The following DYNC2H1 variants were observed in gnomAD, a reference collection of about 807,000 sequenced individuals.
DYNC2H1 encodes the protein dynein cytoplasmic 2 heavy chain 1.
DYNC2H1 carries 410 observed loss-of-function variants against 570.0 expected under a neutral mutation model. That is an observed-to-expected ratio of 0.72 (90% CI 0.66 to 0.78). The LOEUF is 0.78. Among genes scored for constraint, DYNC2H1 ranks in the 30% least tolerant of loss-of-function variants. The pLI is 0.00. For missense variants in DYNC2H1, 4,865 were observed against 5,046.4 expected (o/e 0.96, Z 1.09); for synonymous variants, 1,688 against 1,677.6 (o/e 1.01, Z -0.15).
Position 103,253,320 on chromosome 11 carries a change from A to G in DYNC2H1, c.10078A>G (p.Ile3360Val), listed in dbSNP as rs763419154. 1.9e-5 allele frequency: 31 copies of G among 1,613,156 alleles called. No individual in the cohort carries two copies. The highest frequency in any genetic ancestry group is 2.5e-5 in the Non-Finnish European group (29 of 1,179,472). The change falls in exon 66 of 89, where the codon ATT (isoleucine) becomes GTT (valine). Residue 3360 changes from isoleucine (I) to valine (V), a missense_variant. Transcript: ENST00000375735. ...RYVVQIGDKI[I>V]DYNEEFRLFL... ...TGTGGTACAAATAGGTGACAAAATT[A>G]TTGACTACAATGAAGAATTCCGCCT...
At position 103,241,680 on chromosome 11, in the gene DYNC2H1, AC is replaced by A; in HGVS notation, c.9820-2012del. Reference sequence around the variant, plus strand: ...AGGTGCAGCACCATGGTAACACTTCACAGGCTATTTACTAACCACATCATTG... The same window carrying A: ...AGGTGCAGCACCATGGTAACACTTCAAGGCTATTTACTAACCACATCATTG... On this transcript the variant is annotated intron_variant, in intron 63 of 88. Transcript: ENST00000375735. This position sits in a 1 kb window ranked among gnomAD's most constrained non-coding sequence, Gnocchi z 5.1. The A allele has an allele frequency of 1.4e-6, 1 of 689,786 alleles. No individual in the cohort carries two copies. Among genetic ancestry groups the A allele is most frequent in the Non-Finnish European group, 2.4e-6 (1 of 410,886 alleles). 42.7% of individuals were successfully genotyped at this position (689,786 alleles called of 1,614,324 possible).
chr11:103,132,651 T>G (rs11225559), intron 13 of DYNC2H1, among the ~76,000 whole-genome samples: 87 of 3,104 alleles, frequency 0.028, no homozygotes, highest in African/African-American at 0.08. Flanking sequence ...GGGTTGGGGG[T>G]GTGTGTGTGT....
At position 103,289,842 on chromosome 11, in the gene DYNC2H1, T is replaced by C. The variant is rs138175491; in HGVS notation, c.11095+2237T>C. Among the ~76,000 whole-genome samples, 2 of 152,260 alleles carry C rather than the reference T, an allele frequency of 1.3e-5. No individual in the cohort carries two copies. Among genetic ancestry groups the C allele is most frequent in the East Asian group, 3.9e-4 (2 of 5,156 alleles). ...ATTAAATTTGACATCCTATATTTAGTTACGATATTTGGACTGAGTGTTCCT... is the reference window on the plus strand; with the variant it reads ...ATTAAATTTGACATCCTATATTTAGCTACGATATTTGGACTGAGTGTTCCT... On this transcript the variant is annotated intron_variant, in intron 75 of 88. Coordinates refer to ENST00000375735, the MANE Select transcript of DYNC2H1 (RefSeq NM_001377.3). The surrounding 1 kb of genome is among the most constrained non-coding windows in gnomAD (Gnocchi z 4.2).
chr11:103,459,972 A>C (rs1333916176), intron 87 of DYNC2H1, among the ~76,000 whole-genome samples: 2 of 151,000 alleles, frequency 1.3e-5, no homozygotes, highest in Non-Finnish European at 2.9e-5. Context: ...AAAAAAAGAA[A>C]AAAAAAAAAA....
chr11:103,406,920 G>A (rs546086892), intron 84 of DYNC2H1: 8 of 151,922 alleles, frequency 5.3e-5, no homozygotes, highest in Admixed American at 2.6e-4. Context: ...AATGAAAGAG[G>A]ACTCTTTCTA....
rs758429892 is a variant in DYNC2H1, at chr11:103,135,757, A to T, written c.2383A>T (p.Ile795Phe). The change falls in exon 17 of 89, where the codon ATC becomes TTC. Residue 795 changes from isoleucine (I) to phenylalanine (F), a missense_variant. This residue lies in a region of DYNC2H1 where 1,936 missense variants were observed against 1,962.1 expected (regional missense o/e 0.99). Transcript: ENST00000375735. ...ACAATTCAGGCCCCCTTTTGAAGAA[A>T]TCCGGGCTAAATATTATAGAGAAAT... ...RLQFRPPFEEIRAKYYREMKR... is the reference protein window; with the variant it reads ...RLQFRPPFEEFRAKYYREMKR... 1 of 1,611,562 alleles carries T rather than the reference A, an allele frequency of 6.2e-7. No homozygotes were observed. Among genetic ancestry groups the T allele is most frequent in the South Asian group, 1.1e-5 (1 of 90,432 alleles).
chr11:103,447,337 A>G (rs1944456486), intron 85 of DYNC2H1, among the ~76,000 whole-genome samples: 1 of 151,920 alleles, frequency 6.6e-6, no homozygotes, highest in Non-Finnish European at 1.5e-5. Flanking sequence ...TTCTCTTTCT[A>G]GACAAGACTA....
At position 103,277,909 on chromosome 11, in the gene DYNC2H1, A is replaced by G. The variant is rs1040013329; in HGVS notation, c.10696-2439A>G. Among the ~76,000 whole-genome samples, 4 of 152,044 alleles carry G rather than the reference A, an allele frequency of 2.6e-5. No individual in the cohort carries two copies. Among genetic ancestry groups the G allele is most frequent in the African/African-American group, 7.3e-5 (3 of 41,378 alleles). ...GCATGGGCACTTTTTTCTGGTTCAT[A>G]TTTTTGCTGATAATGTAATTCTTTA... On this transcript the variant is annotated intron_variant, in intron 70 of 88. Coordinates refer to ENST00000375735, the MANE Select transcript of DYNC2H1 (RefSeq NM_001377.3). The surrounding 1 kb of genome is among the most constrained non-coding windows in gnomAD (Gnocchi z 4.3).
chr11:103,473,516 T>G (rs1591809633), intron 88 of DYNC2H1, among the ~76,000 whole-genome samples: 1 of 152,298 alleles, frequency 6.6e-6, no homozygotes, highest in Admixed American at 6.5e-5. Context: ...TAATTCTCTA[T>G]GAAAAATGAT....
chr11:103,283,769 TGCA>T (rs911119313), intron 73 of DYNC2H1, among the ~76,000 whole-genome samples: 6 of 152,148 alleles, frequency 3.9e-5, no homozygotes, highest in African/African-American at 1.4e-4. Flanking sequence ...TGTTTCTTGT[TGCA>T]TAGTCTGGGC....
intron 82 of DYNC2H1, among the ~76,000 whole-genome samples, chr11:103,357,040 G>C (rs1212668303): frequency 6.6e-6 from 1 of 151,956 alleles, no homozygotes; most frequent in Non-Finnish European, 1.5e-5. Context: ...CAAACAGTGA[G>C]ATAGCACAAT....
chr11:103,163,681 A>G lies in DYNC2H1; in HGVS notation c.4611+534A>G, dbSNP rs955368104. Reference sequence around the variant, plus strand: ...TAGCTTACAAAATTTGTACCAGTCTATATCAAAATGTAGCACTAAGACTTG... The same window carrying G: ...TAGCTTACAAAATTTGTACCAGTCTGTATCAAAATGTAGCACTAAGACTTG... On this transcript the variant is annotated intron_variant, in intron 30 of 88. Coordinates refer to ENST00000375735, the MANE Select transcript of DYNC2H1 (RefSeq NM_001377.3). The surrounding 1 kb of genome is among the most constrained non-coding windows in gnomAD (Gnocchi z 4.6). Among the ~76,000 whole-genome samples, 6 of 152,194 alleles carry G rather than the reference A, an allele frequency of 3.9e-5. No homozygotes were observed. The highest frequency in any genetic ancestry group is 1.4e-4 in the African/African-American group (6 of 41,446).
At chr11:103,251,687 C>G (rs1470679726) in intron 65 of DYNC2H1, among the ~76,000 whole-genome samples, 1 of 151,994 alleles carries the variant, frequency 6.6e-6, no homozygotes. Context: ...CATCTCCCAT[C>G]CCCTCCTTCA....
At chr11:103,161,377 A>T (rs1485103647) in intron 29 of DYNC2H1, among the ~76,000 whole-genome samples, 1 of 152,104 alleles carries the variant, frequency 6.6e-6, no homozygotes. Context: ...TGGTAATCTC[A>T]GTACAGGTGG....
At chr11:103,357,469 A>G (rs569614162) in intron 82 of DYNC2H1, among the ~76,000 whole-genome samples, 1 of 152,306 alleles carries the variant, frequency 6.6e-6, no homozygotes, top group Admixed American at 6.5e-5. Context: ...AGTAATTATC[A>G]TTGCTTTACC....
intron 70 of DYNC2H1, among the ~76,000 whole-genome samples, chr11:103,269,692 T>G (rs1351197224): frequency 2.6e-5 from 4 of 152,174 alleles, no homozygotes; most frequent in Non-Finnish European, 5.9e-5. Context: ...CTTCAAGAGA[T>G]CAAAAGTTTT....
chr11:103,310,550 T>C (rs1867529055), intron 78 of DYNC2H1, among the ~76,000 whole-genome samples: 1 of 152,104 alleles, frequency 6.6e-6, no homozygotes, highest in Non-Finnish European at 1.5e-5. Context: ...TCATGTTTTA[T>C]TGAGTAGTGT....
Position 103,120,826 on chromosome 11 carries a change from T to G in DYNC2H1, c.1248+24T>G, listed in dbSNP as rs534849587. 3.9e-4 allele frequency: 539 copies of G among 1,375,224 alleles called. 7 individuals carry two copies. In the South Asian group the frequency reaches 9.3e-3, roughly 24 times the overall value. The allele number at this position is 1,375,224 out of a possible 1,614,324, so 85.2% of individuals were successfully genotyped here. On this transcript the variant is annotated intron_variant, in intron 8 of 88. Coordinates refer to ENST00000375735, the MANE Select transcript of DYNC2H1 (RefSeq NM_001377.3). ...AGGTAAAACATTGAGATATTTCACTTTTAATATTTCTCTTAAGCTAATATA... is the reference window on the plus strand; with the variant it reads ...AGGTAAAACATTGAGATATTTCACTGTTAATATTTCTCTTAAGCTAATATA...
chr11:103,404,806 A>C (rs1018353936), intron 84 of DYNC2H1: 1 of 151,798 alleles, frequency 6.6e-6, no homozygotes, highest in Non-Finnish European at 1.5e-5. Flanking sequence ...TCCTACTGTG[A>C]ATAGGAAAAT....
Sources: allele counts gnomAD v4.1 joint callset (sites outside exome capture counted in the v4.1 genomes callset), GRCh38; gene constraint gnomAD v4.1.1; regional missense constraint gnomAD v4.1.1; non-coding constraint Gnocchi (gnomAD v3.1); transcripts MANE v1.5; gene names NCBI Gene and HGNC (gene_info 2026-07-23, HGNC 2026-07-21).